CD1D: variants seen among roughly 807,000 people sequenced by gnomAD.
CD1D encodes the protein antigen-presenting glycoprotein CD1d.
A neutral mutation model predicts 42.1 loss-of-function variants in CD1D; 40 were observed. The ratio of observed to expected loss-of-function variants is 0.95; its 90% CI spans 0.74 to 1.24. The LOEUF is 1.24. CD1D is among the 50% of genes most tolerant of loss of function. The pLI, the probability that CD1D is intolerant of heterozygous loss-of-function variation, is 0.00. For synonymous variants in CD1D, 178 were observed against 171.8 expected, an observed-to-expected ratio of 1.04 and a Z score of -0.28; for missense variants, 437 against 416.5, an observed-to-expected ratio of 1.05 and a Z score of -0.43.
chr1:158,182,188 C>T lies in CD1D; in HGVS notation c.485C>T (p.Ala162Val), dbSNP rs1463895346. The T allele has an allele frequency of 6.2e-7, 1 of 1,614,136 alleles. No homozygotes were observed. Among genetic ancestry groups the T allele is most frequent in the Non-Finnish European group, 8.5e-7 (1 of 1,180,020 alleles). The change falls in exon 3 of 6, where the codon GCC (alanine) becomes GTC (valine). Residue 162 changes from alanine (A) to valine (V), a missense_variant. Coordinates refer to ENST00000674085, the MANE Select transcript of CD1D (RefSeq NM_001371762.2). ...TQEAPLWVNL[A>V]IQVLNQDKWT... is the part of the protein sequence containing the mutation. ...GAGGCCCCACTTTGGGTAAACTTGGCCATTCAAGTGCTCAACCAGGACAAG... is the reference window on the plus strand; with the variant it reads ...GAGGCCCCACTTTGGGTAAACTTGGTCATTCAAGTGCTCAACCAGGACAAG...
At chr1:158,180,807 C>T (rs935981216), upstream of CD1D, 54 of 377,862 alleles carry the variant, frequency 1.4e-4, no homozygotes, top group African/African-American at 8.9e-4. Context: ...CCCAAAGTCT[C>T]CTTTGAAACA....
In CD1D at chr1:158,181,468, T is replaced by C; in HGVS notation, c.75T>C (p.Leu25=). 1.2e-6 allele frequency: 2 copies of C among 1,614,020 alleles called. No individual in the cohort carries two copies. The highest frequency in any genetic ancestry group is 1.7e-6 in the Non-Finnish European group (2 of 1,179,964). The change falls in exon 2 of 6, where the codon CTT becomes CTC. Residue 25 remains leucine, a synonymous_variant. Coordinates refer to ENST00000674085, the MANE Select transcript of CD1D (RefSeq NM_001371762.2). ...ATTCTCTCCCAGTCCCGCAAAGGCT[T>C]TTCCCCCTCCGCTGCCTCCAGATCT... ...AWGSAEVPQR[L]FPLRCLQISS...
chr1:158,184,072 C>T (rs2101583136), intron 5 of CD1D, 37 bp downstream of exon 5: 1 of 1,613,288 alleles, frequency 6.2e-7, no homozygotes, highest in Non-Finnish European at 8.5e-7. Flanking sequence ...ACCTCTCTCC[C>T]CTTCATTCCT....
At position 158,182,225 on chromosome 1, in the gene CD1D, A is replaced by T; in HGVS notation, c.522A>T (p.Glu174Asp). Reference protein sequence around the residue: ...QVLNQDKWTRETVQWLLNGTC... With the variant: ...QVLNQDKWTRDTVQWLLNGTC... ...TCAACCAGGACAAGTGGACGAGGGA[A>T]ACAGTGCAGTGGCTCCTTAATGGCA... Residue 174 changes from glutamate (E) to aspartate (D), a missense_variant, in exon 3 of 6, where the codon GAA becomes GAT. Glu to Asp is a conservative substitution (Grantham distance 45). Transcript: ENST00000674085. 1 of 1,614,184 alleles carries T rather than the reference A, an allele frequency of 6.2e-7. No individual in the cohort carries two copies. Among genetic ancestry groups the T allele is most frequent in the Non-Finnish European group, 8.5e-7 (1 of 1,180,016 alleles).
In CD1D at chr1:158,184,995, A is replaced by T. The variant is rs1428240394; in HGVS notation, c.*845A>T. The T allele has an allele frequency of 1.3e-5, 2 of 152,206 alleles. No homozygotes were observed. Among genetic ancestry groups the T allele is most frequent in the Non-Finnish European group, 2.9e-5 (2 of 68,040 alleles). 9.4% of individuals were successfully genotyped at this position (152,206 alleles called of 1,614,324 possible). On this transcript the variant is annotated 3_prime_UTR_variant, in exon 6 of 6. Transcript: ENST00000674085. ...CTTGGAGGAAGATTGTCATGAAGGC[A>T]TCCCTTCCTTCCCAAAACGACAACG...
upstream of CD1D, among the ~76,000 whole-genome samples, chr1:158,180,494 T>G (rs1246741330): frequency 6.6e-6 from 1 of 152,156 alleles, no homozygotes; most frequent in Non-Finnish European, 1.5e-5. Flanking sequence ...ATATGACAGT[T>G]GTAAAGAATT....
At position 158,184,997 on chromosome 1, in the gene CD1D, C is replaced by T. The variant is rs1648645851; in HGVS notation, c.*847C>T. On this transcript the variant is annotated 3_prime_UTR_variant, in exon 6 of 6. Coordinates refer to ENST00000674085, the MANE Select transcript of CD1D (RefSeq NM_001371762.2). ...TGGAGGAAGATTGTCATGAAGGCAT[C>T]CCTTCCTTCCCAAAACGACAACGGC... 6.6e-6 allele frequency: 1 copy of T among 152,162 alleles called. No homozygotes were observed. Among genetic ancestry groups the T allele is most frequent in the South Asian group, 2.1e-4 (1 of 4,828 alleles). 9.4% of individuals were successfully genotyped at this position (152,162 alleles called of 1,614,324 possible).
chr1:158,182,081 C>T lies in CD1D; in HGVS notation c.378C>T (p.Asn126=), dbSNP rs772184982. 3.7e-6 allele frequency: 6 copies of T among 1,613,636 alleles called. No homozygotes were observed. In the African/African-American group the frequency reaches 5.3e-5, roughly 14 times the overall value. The part of the protein sequence containing the change: ...VSAGCEVHPG[N]ASNNFFHVAF... ...CTGGCTGTGAGGTGCACCCTGGGAACGCCTCAAATAACTTCTTCCATGTAG... is the reference window on the plus strand; with the variant it reads ...CTGGCTGTGAGGTGCACCCTGGGAATGCCTCAAATAACTTCTTCCATGTAG... The change falls in exon 3 of 6, where the codon AAC becomes AAT. Residue 126 remains asparagine, a synonymous_variant. Transcript: ENST00000674085.
upstream of CD1D, among the ~76,000 whole-genome samples, chr1:158,178,233 A>T (rs540974543): frequency 1.2e-4 from 19 of 152,356 alleles, no homozygotes; most frequent in Middle Eastern, 3.4e-3. Context: ...CTCTGAATAA[A>T]GACTATGAGC....
At chr1:158,181,785 C>A (rs1193392036) in intron 2 of CD1D, 64 bp downstream of exon 2, 14 of 1,573,196 alleles carry the variant, frequency 8.9e-6, no homozygotes, top group Non-Finnish European at 1.1e-5. Flanking sequence ...AGAAACTCAA[C>A]TGGGAGACTG....
At chr1:158,183,402 A>G (rs1052584492) in intron 4 of CD1D, among the ~76,000 whole-genome samples, 2 of 152,216 alleles carry the variant, frequency 1.3e-5, no homozygotes, top group East Asian at 3.8e-4. Context: ...AAACTCAGGG[A>G]TCCAGAAGTA....
At position 158,186,237 on chromosome 1, in the gene CD1D, A is replaced by G. The variant is rs1298637901; in HGVS notation, c.*2087A>G. Among the ~76,000 whole-genome samples, 3 of 152,154 alleles carry G rather than the reference A, an allele frequency of 2.0e-5. No homozygotes were observed. The highest frequency in any genetic ancestry group is 7.2e-5 in the African/African-American group (3 of 41,428). ...TGCCCACCCTCACGTGGCGCTCTTCAGCTTAGGTTCCTCTAGCAGTGTCAA... is the reference window on the plus strand; with the variant it reads ...TGCCCACCCTCACGTGGCGCTCTTCGGCTTAGGTTCCTCTAGCAGTGTCAA... On this transcript the variant is annotated 3_prime_UTR_variant, in exon 6 of 6. Transcript: ENST00000674085.
At chr1:158,182,762 G>C in intron 3 of CD1D, 116 bp from the exon 4 acceptor site, 1 of 1,182,562 alleles carries the variant, frequency 8.5e-7, no homozygotes, top group South Asian at 1.5e-5. Context: ...CATGTCAGGG[G>C]CATACAGGAA....
intron 5 of CD1D, 35 bp downstream of exon 5, chr1:158,184,070 C>T (rs1314609754): frequency 1.2e-6 from 2 of 1,613,146 alleles, no homozygotes; most frequent in African/African-American, 1.3e-5. Context: ...CAACCTCTCT[C>T]CCCTTCATTC....
In CD1D at chr1:158,184,444, C is replaced by A; in HGVS notation, c.*294C>A. 1 of 485,732 alleles carries A rather than the reference C, an allele frequency of 2.1e-6. No homozygotes were observed. 30.1% of individuals were successfully genotyped at this position (485,732 alleles called of 1,614,324 possible). On this transcript the variant is annotated 3_prime_UTR_variant, in exon 6 of 6. Coordinates refer to ENST00000674085, the MANE Select transcript of CD1D (RefSeq NM_001371762.2). ...CTTGTATCTGAAGACCTACCAGGGACAAGCAGGTAAGAGCTGATGTGAGTG... is the reference window on the plus strand; with the variant it reads ...CTTGTATCTGAAGACCTACCAGGGAAAAGCAGGTAAGAGCTGATGTGAGTG...
At position 158,182,320 on chromosome 1, in the gene CD1D, C is replaced by A. The variant is rs1270334969; in HGVS notation, c.607+10C>A. The A allele has an allele frequency of 4.8e-5, 78 of 1,614,022 alleles. No homozygotes were observed. The highest frequency in any genetic ancestry group is 6.6e-5 in the Non-Finnish European group (78 of 1,179,950). On this transcript the variant is annotated intron_variant, in intron 3 of 5. Coordinates refer to ENST00000674085, the MANE Select transcript of CD1D (RefSeq NM_001371762.2). The stretch of plus-strand genomic sequence containing the variant: ...GAACTGAAGAAGCAAGGTCAGCCTG[C>A]CTTCCTTACTCCCTGCATTCCACTT...
Position 158,184,305 on chromosome 1 carries a change from C to A in CD1D, c.*155C>A. 1.4e-6 allele frequency: 1 copy of A among 711,590 alleles called. No homozygotes were observed. The highest frequency in any genetic ancestry group is 2.4e-6 in the Non-Finnish European group (1 of 410,580). The allele number at this position is 711,590 out of a possible 1,614,324, so 44.1% of individuals were successfully genotyped here. On this transcript the variant is annotated 3_prime_UTR_variant, in exon 6 of 6. Coordinates refer to ENST00000674085, the MANE Select transcript of CD1D (RefSeq NM_001371762.2). ...TAGAGAACAGTCATGAGGCAGCTTT[C>A]ATCACACCCTTTTAACATTTATCTA...
chr1:158,183,443 A>T (rs1389668786), intron 4 of CD1D, among the ~76,000 whole-genome samples: 2 of 152,228 alleles, frequency 1.3e-5, no homozygotes, highest in Non-Finnish European at 2.9e-5. Flanking sequence ...AGGACGATTC[A>T]TTCCTTGGCT....
At position 158,186,062 on chromosome 1, in the gene CD1D, G is replaced by A. The variant is rs1234820789; in HGVS notation, c.*1912G>A. Among the ~76,000 whole-genome samples, 8 of 152,192 alleles carry A rather than the reference G, an allele frequency of 5.3e-5. No homozygotes were observed. Among genetic ancestry groups the A allele is most frequent in the Admixed American group, 5.2e-4 (8 of 15,280 alleles). Reference sequence around the variant, plus strand: ...GTGAACCAGCAAGTGCACTGGCTGAGGGGACTGGAGTTCTAGCCTCTGAAC... The same window carrying A: ...GTGAACCAGCAAGTGCACTGGCTGAAGGGACTGGAGTTCTAGCCTCTGAAC... On this transcript the variant is annotated 3_prime_UTR_variant, in exon 6 of 6. Transcript: ENST00000674085.
Sources: gnomAD v4.1 joint callset for allele counts (sites outside exome capture counted in the v4.1 genomes callset) on GRCh38, gnomAD v4.1.1 for gene constraint, MANE v1.5 for transcripts, NCBI Gene and HGNC (gene_info 2026-07-23, HGNC 2026-07-21) for gene names.